The following ERI2 variants were observed in gnomAD, a reference collection of about 807,000 sequenced individuals.
ERI2 encodes ERI1 exoribonuclease family member 2, also known as ERI1 exoribonuclease 2.
In ERI2, 35 loss-of-function variants were observed where a neutral mutation model predicts 46.8. The observed-to-expected ratio is 0.75, with a 90% CI of 0.57 to 0.99. ERI2 has a LOEUF of 0.99. ERI2 is among the 50% of genes least tolerant of loss of function. The probability of loss-of-function intolerance (pLI) is 0.00; values close to 1 mark genes in which losing one functional copy is unlikely to be tolerated. For missense variants in ERI2, 695 were observed against 796.2 expected (o/e 0.87, Z 1.53); for synonymous variants, 224 against 271.0 (o/e 0.83, Z 1.70).
chr16:20,786,021 A>G, intron 10 of ERI2: 1 of 1,231,584 alleles, frequency 8.1e-7, no homozygotes, highest in Non-Finnish European at 1.1e-6. Flanking sequence ...TGCATGATAG[A>G]TGAATAAATT....
chr16:20,803,563 C>T (rs756068211), intron 2 of ERI2, 40 bp downstream of exon 2: 1 of 1,613,936 alleles, frequency 6.2e-7, no homozygotes, highest in East Asian at 2.2e-5. Flanking sequence ...GCTGAAAATG[C>T]AAGGCTACAA....
intron 10 of ERI2, chr16:20,784,832 TG>T: frequency 1.5e-6 from 1 of 658,524 alleles, no homozygotes; most frequent in Non-Finnish European, 2.4e-6. Context: ...TAGTTGTATA[TG>T]TTTATGGGGT....
intron 10 of ERI2, chr16:20,780,845 C>A (rs757686503): frequency 6.2e-7 from 1 of 1,614,222 alleles, no homozygotes; most frequent in East Asian, 2.2e-5. Flanking sequence ...TTAGGATTAT[C>A]TGTAAATGGA....
In ERI2 at chr16:20,803,593, T is replaced by C. The variant is rs930333457; in HGVS notation, c.91+10A>G. On this transcript the variant is annotated intron_variant, in intron 2 of 8. Transcript: ENST00000357967. ...CTACAAAATGCAAAGAAACTAAGCA[T>C]ACTACTCACTGGATTTGCTTCTTCC... The C allele has an allele frequency of 2.5e-6, 4 of 1,614,164 alleles. No homozygotes were observed. Among genetic ancestry groups the C allele is most frequent in the South Asian group, 1.1e-5 (1 of 91,062 alleles).
In ERI2 at chr16:20,798,739, T is replaced by C; in HGVS notation, c.1061A>G (p.Gln354Arg). The C allele has an allele frequency of 6.4e-7, 1 of 1,551,604 alleles. No individual in the cohort carries two copies. Among genetic ancestry groups the C allele is most frequent in the Non-Finnish European group, 8.7e-7 (1 of 1,146,894 alleles). The change falls in exon 9 of 9, where the codon CAA (glutamine) becomes CGA (arginine). Residue 354 changes from glutamine to arginine, a missense_variant. Transcript: ENST00000357967. ...AAGATGTTCATTTTTTCCTTGCTTT[T>C]GCATATAGATAGGTGAATTCAAGGT... ...SPTLNSPIYM[Q>R]KQGKNEHLAF... is the part of the protein sequence containing the mutation.
rs369306575 is a variant in ERI2 at position 20,790,072 on chromosome 16, G to A, written c.816-515C>T. The stretch of plus-strand genomic sequence containing the variant: ...AAATTTTTAAAAAATTTTATCCTGC[G>A]TTCACATGTTGGTAACCTGTATTTA... On this transcript the variant is annotated intron_variant, in intron 9 of 10. Transcript: ENST00000300005. The surrounding 1 kb of genome is among the most constrained non-coding windows in gnomAD (Gnocchi z 4.0). 2.0e-5 allele frequency among the ~76,000 whole-genome samples: 3 copies of A among 152,128 alleles called. No individual in the cohort carries two copies. The highest frequency in any genetic ancestry group is 4.1e-4 in the South Asian group (2 of 4,824).
At chr16:20,787,611 TGA>T (rs1273378997) in intron 10 of ERI2, among the ~76,000 whole-genome samples, 1 of 152,246 alleles carries the variant, frequency 6.6e-6, no homozygotes, top group African/African-American at 2.4e-5. Flanking sequence ...CAAATAAGTT[TGA>T]GAGAGTTTAG....
At chr16:20,802,257 G>A (rs548885832) in intron 4 of ERI2, among the ~76,000 whole-genome samples, 10 of 151,768 alleles carry the variant, frequency 6.6e-5, no homozygotes, top group Non-Finnish European at 1.3e-4. Context: ...CATGAGAATC[G>A]CCTGAACCCA....
At chr16:20,781,072 A>C (rs998645565) in intron 10 of ERI2, 3 of 1,614,066 alleles carry the variant, frequency 1.9e-6, no homozygotes, top group Non-Finnish European at 2.5e-6. Flanking sequence ...CCGTGGATCC[A>C]GGGAGCATGT....
At position 20,797,278 on chromosome 16, in the gene ERI2, C is replaced by G. The variant is rs1421282327; in HGVS notation, c.*446G>C. 1 of 1,050,180 alleles carries G rather than the reference C, an allele frequency of 9.5e-7. No homozygotes were observed. Among genetic ancestry groups the G allele is most frequent in the Non-Finnish European group, 1.1e-6 (1 of 875,000 alleles). 65.1% of individuals were successfully genotyped at this position (1,050,180 alleles called of 1,614,324 possible). On this transcript the variant is annotated 3_prime_UTR_variant, in exon 9 of 9. Transcript: ENST00000357967. ...ACCAGATCTCTGCTACATAGGTTTT[C>G]AAACTTTAGTTGACTAATTCTTCTG...
Position 20,797,346 on chromosome 16 carries a change from T to C in ERI2, c.*378A>G. 1.0e-6 allele frequency: 1 copy of C among 1,002,230 alleles called. No homozygotes were observed. Among genetic ancestry groups the C allele is most frequent in the Non-Finnish European group, 1.2e-6 (1 of 840,284 alleles). The allele number at this position is 1,002,230 out of a possible 1,614,324, so 62.1% of individuals were successfully genotyped here. ...TCAGAACCAATGTTCAAGCCTGAAA[T>C]AAAACTAAAGAACTTATAAAAGTTT... is the stretch of plus-strand genomic sequence containing the variant. On this transcript the variant is annotated 3_prime_UTR_variant, in exon 9 of 9. Transcript: ENST00000357967.
chr16:20,796,590 CACATGTCCCAA>C lies in ERI2; in HGVS notation c.*1123_*1133del. On this transcript the variant is annotated 3_prime_UTR_variant, in exon 9 of 9. Coordinates refer to ENST00000357967, the MANE Select transcript of ERI2 (RefSeq NM_001142725.2). ...AATATTTTCTTCACACATGCTGCACCACATGTCCCAAACTGAACTGATGACATATGGGTAAG... is the reference window on the plus strand; with the variant it reads ...AATATTTTCTTCACACATGCTGCACCACTGAACTGATGACATATGGGTAAG... 6.4e-7 allele frequency: 1 copy of C among 1,565,860 alleles called. No homozygotes were observed. Among genetic ancestry groups the C allele is most frequent in the Admixed American group, 2.0e-5 (1 of 50,212 alleles).
intron 10 of ERI2, among the ~76,000 whole-genome samples, chr16:20,783,925 C>T (rs1470530912): frequency 6.6e-6 from 1 of 152,190 alleles, no homozygotes; most frequent in Non-Finnish European, 1.5e-5. Context: ...CCTGCCTCAG[C>T]CTCCTGAGCA....
intron 1 of ERI2, among the ~76,000 whole-genome samples, chr16:20,805,419 CAA>C (rs55794423): frequency 3.8e-5 from 5 of 131,306 alleles, no homozygotes; most frequent in Non-Finnish European, 4.7e-5. Context: ...AACTCCGTCT[CAA>C]AAAAAAAAAA....
intron 10 of ERI2, chr16:20,784,841 G>T: frequency 1.4e-6 from 1 of 722,798 alleles, no homozygotes; most frequent in Non-Finnish European, 2.1e-6. Flanking sequence ...ATGTTTATGG[G>T]GTAAAATGGT....
chr16:20,792,333 G>C, downstream of ERI2: 1 of 1,613,978 alleles, frequency 6.2e-7, no homozygotes, highest in Non-Finnish European at 8.5e-7. Flanking sequence ...CATCAGAGGA[G>C]AGGTAAAAGA....
chr16:20,786,554 G>A (rs532969291), intron 10 of ERI2, among the ~76,000 whole-genome samples: 57 of 152,138 alleles, frequency 3.7e-4, no homozygotes, highest in Non-Finnish European at 7.4e-4. Flanking sequence ...ATGGTGGTAC[G>A]TGCCTGTGGT....
In ERI2 at chr16:20,796,897, T is replaced by C. The variant is rs148726501; in HGVS notation, c.*827A>G. ...CTTGATGCCAACAGGTAGAATTTAT[T>C]CAAGAGCTGCCAAAGACTATCAGTG... On this transcript the variant is annotated 3_prime_UTR_variant, in exon 9 of 9. Transcript: ENST00000357967. 14 of 1,612,180 alleles carry C rather than the reference T, an allele frequency of 8.7e-6. No individual in the cohort carries two copies. The African/African-American group carries it at 1.7e-4, about 20-fold the overall frequency.
downstream of ERI2, among the ~76,000 whole-genome samples, chr16:20,795,126 A>T (rs1376824122): frequency 6.6e-6 from 1 of 152,250 alleles, no homozygotes; most frequent in Non-Finnish European, 1.5e-5. Context: ...ATAGACACAC[A>T]CACACACAAG....
Sources: allele counts gnomAD v4.1 joint callset (sites outside exome capture counted in the v4.1 genomes callset), GRCh38; gene constraint gnomAD v4.1.1; non-coding constraint Gnocchi (gnomAD v3.1); transcripts MANE v1.5; gene names NCBI Gene and HGNC (gene_info 2026-07-23, HGNC 2026-07-21).